IQSEC2: variants seen among roughly 807,000 people sequenced by gnomAD.
IQSEC2 encodes IQ motif and SEC7 domain-containing protein 2.
Under a neutral mutation model 74.6 loss-of-function variants are expected in IQSEC2, and 6 were observed. The observed-to-expected ratio is 0.08, with a 90% confidence interval of 0.04 to 0.16. IQSEC2 has a LOEUF of 0.16. IQSEC2 is among the 10% of genes least tolerant of loss of function. The pLI, the probability that IQSEC2 is intolerant of heterozygous loss-of-function variation, is 1.00. For synonymous variants in IQSEC2, 494 were observed against 544.5 expected (o/e 0.91, Z 1.29); for missense variants, 734 against 1,306.2 (o/e 0.56, Z 6.75).
chrX:53,243,322 A>G lies in IQSEC2; in HGVS notation c.2889+10T>C, dbSNP rs1057523665. 3 of 1,163,999 alleles carry G rather than the reference A, an allele frequency of 2.6e-6. No individual in the cohort carries two copies. The Admixed American group carries it at 7.7e-5, about 30-fold the overall frequency. ...ACCCTGGCCCCTCTGCAGCCTCCCAAGGCACTTACTGGTTTCTTTCCAACA... is the reference window on the plus strand; with the variant it reads ...ACCCTGGCCCCTCTGCAGCCTCCCAGGGCACTTACTGGTTTCTTTCCAACA... On this transcript the variant is annotated intron_variant, in intron 9 of 14. Coordinates refer to ENST00000642864, the MANE Select transcript of IQSEC2 (RefSeq NM_001111125.3).
chrX:53,299,187 C>T (rs782722304), intron 1 of IQSEC2, among the ~76,000 whole-genome samples: 1 of 110,438 alleles, frequency 9.1e-6, no homozygotes, highest in Non-Finnish European at 1.9e-5. Flanking sequence ...GCTGGGATTA[C>T]AGGCATAGGC....
chrX:53,261,724 G>A (rs1303692933), intron 2 of IQSEC2, among the ~76,000 whole-genome samples: 2 of 111,789 alleles, frequency 1.8e-5, no homozygotes, highest in Admixed American at 9.5e-5. Flanking sequence ...TTCTGTGGGG[G>A]AAATTGGAGA....
At chrX:53,286,414 G>A (rs2146398120) in intron 2 of IQSEC2, among the ~76,000 whole-genome samples, 1 of 112,153 alleles carries the variant, frequency 8.9e-6, no homozygotes, top group South Asian at 3.7e-4. Context: ...TACTGCAGAA[G>A]AAACAAGAAG....
rs141446953 is a variant in IQSEC2 at position 53,287,228 on chromosome X, A to C, written c.737+4667T>G. ...TGAGTGGGCTTCCGTTCCTCACAACAAAGTGTACCCAGACTAAGACAAGTG... is the reference window on the plus strand; with the variant it reads ...TGAGTGGGCTTCCGTTCCTCACAACCAAGTGTACCCAGACTAAGACAAGTG... On this transcript the variant is annotated intron_variant, in intron 2 of 14. Transcript: ENST00000642864. Among the ~76,000 whole-genome samples, 41 of 112,325 alleles carry C rather than the reference A, an allele frequency of 3.7e-4. No homozygotes were observed. In the East Asian group the frequency reaches 0.011, roughly 29 times the overall value.
chrX:53,267,889 T>C (rs782197776), intron 2 of IQSEC2, among the ~76,000 whole-genome samples: 109 of 112,078 alleles, frequency 9.7e-4, no homozygotes, highest in African/African-American at 3.2e-3. Context: ...ACACCAGCAA[T>C]GGGAACATGG....
At chrX:53,271,587 T>G (rs2074745936) in intron 2 of IQSEC2, among the ~76,000 whole-genome samples, 1 of 111,987 alleles carries the variant, frequency 8.9e-6, no homozygotes. Context: ...AGGATTTGGA[T>G]TCTATAATTT....
intron 10 of IQSEC2, among the ~76,000 whole-genome samples, chrX:53,240,730 T>A (rs1321313174): frequency 9.0e-6 from 1 of 110,499 alleles, no homozygotes; most frequent in Non-Finnish European, 1.9e-5. Context: ...AAGACAAACA[T>A]CTCTACTTGT....
At chrX:53,249,997 G>A (rs1454945075) in intron 5 of IQSEC2, among the ~76,000 whole-genome samples, 4 of 111,485 alleles carry the variant, frequency 3.6e-5, no homozygotes, top group African/African-American at 6.5e-5. Flanking sequence ...AAAAGGGAAG[G>A]TGGGGAGGAC....
At chrX:53,310,225 A>G (rs782600889) in intron 1 of IQSEC2, among the ~76,000 whole-genome samples, 1 of 110,500 alleles carries the variant, frequency 9.0e-6, no homozygotes, top group East Asian at 2.9e-4. Flanking sequence ...CTCTGTCTCT[A>G]CAAAAAAAAT....
At chrX:53,260,085 T>G (rs1556866180) in intron 2 of IQSEC2, among the ~76,000 whole-genome samples, 4 of 111,620 alleles carry the variant, frequency 3.6e-5, no homozygotes, top group African/African-American at 9.8e-5. Flanking sequence ...AAGAAACAAG[T>G]AAATATATCC....
At chrX:53,226,133 C>CTGTGCATTTGGTACCAACTGTA (rs2074036135), downstream of IQSEC2, 2 of 112,837 alleles carry the variant, frequency 1.8e-5, no homozygotes, top group Admixed American at 1.9e-4. Flanking sequence ...TGTATAGCCC[C>CTGTGCATTTGGTACCAACTGTA]TGTGCATTTG....
intron 10 of IQSEC2, among the ~76,000 whole-genome samples, chrX:53,240,564 C>A (rs1276062551): frequency 8.9e-6 from 1 of 112,112 alleles, no homozygotes; most frequent in Non-Finnish European, 1.9e-5. Flanking sequence ...CACAGGGAGA[C>A]AAATTCTAGC....
rs1057521625 is a variant in IQSEC2, at chrX:53,234,816, A to G, written c.3870T>C (p.Leu1290=). The stretch of plus-strand genomic sequence containing the variant: ...GTGGGGGCTGCTGGGGAGGTGGGGG[A>G]AGAGAGGGCTGCTGGGGTGGGAGGT... ...PPYLPPQQPS[L]PPPPQQPPPL... The change falls in exon 15 of 15, where the codon CTT becomes CTC. Residue 1290 remains leucine, a synonymous_variant. Coordinates refer to ENST00000642864, the MANE Select transcript of IQSEC2 (RefSeq NM_001111125.3). 4.6e-5 allele frequency: 51 copies of G among 1,099,982 alleles called. No individual in the cohort carries two copies. The African/African-American group carries it at 9.2e-4, about 20-fold the overall frequency. The allele number at this position is 1,099,982 out of a possible 1,213,427, so 90.7% of individuals were successfully genotyped here.
intron 8 of IQSEC2, among the ~76,000 whole-genome samples, chrX:53,245,287 G>C (rs2074285294): frequency 9.1e-6 from 1 of 109,627 alleles, no homozygotes; most frequent in Non-Finnish European, 1.9e-5. Context: ...AATTAGTTGG[G>C]CATGGTGGCA....
At chrX:53,262,690 A>G (rs2074587152) in intron 2 of IQSEC2, among the ~76,000 whole-genome samples, 1 of 111,826 alleles carries the variant, frequency 8.9e-6, no homozygotes, top group Non-Finnish European at 1.9e-5. Flanking sequence ...CCAGTGTCAC[A>G]GGGATCTAAG....
chrX:53,290,831 C>T (rs1013972383), intron 2 of IQSEC2, among the ~76,000 whole-genome samples: 7 of 111,958 alleles, frequency 6.3e-5, no homozygotes, highest in Non-Finnish European at 1.1e-4. Flanking sequence ...ATGACAGGAC[C>T]AGGGCTCCTG....
intron 10 of IQSEC2, chrX:53,239,636 T>A (rs1272480608): frequency 1.6e-5 from 4 of 250,451 alleles, no homozygotes; most frequent in Non-Finnish European, 2.9e-5. Context: ...TGCCTTTCCC[T>A]TGTCAGGCAC....
At chrX:53,308,893 C>T (rs1305790405) in intron 1 of IQSEC2, among the ~76,000 whole-genome samples, 1 of 109,145 alleles carries the variant, frequency 9.2e-6, no homozygotes, top group African/African-American at 3.3e-5. Flanking sequence ...AGCCTAGGAG[C>T]TCGAGACCTA....
Position 53,320,758 on chromosome X carries a change from G to A in IQSEC2, c.366C>T (p.Ala122=). ...RDVGYPNREG[A]YQNREAVYRD... ...GATACACAGCCTCCCGATTCTGGTAGGCGCCTTCCCGGTTCGGGTAGCCCA... is the reference window on the plus strand; with the variant it reads ...GATACACAGCCTCCCGATTCTGGTAAGCGCCTTCCCGGTTCGGGTAGCCCA... The change falls in exon 1 of 15, where the codon GCC becomes GCT. Residue 122 remains alanine, a synonymous_variant. Coordinates refer to ENST00000642864, the MANE Select transcript of IQSEC2 (RefSeq NM_001111125.3). 1 of 1,167,577 alleles carries A rather than the reference G, an allele frequency of 8.6e-7. No individual in the cohort carries two copies. Among genetic ancestry groups the A allele is most frequent in the Non-Finnish European group, 1.1e-6 (1 of 872,804 alleles).
Sources: allele counts gnomAD v4.1 joint callset (sites outside exome capture counted in the v4.1 genomes callset), GRCh38; gene constraint gnomAD v4.1.1; transcripts MANE v1.5; gene names NCBI Gene and HGNC (gene_info 2026-07-23, HGNC 2026-07-21).